ADAMTSL3: variants seen among roughly 807,000 people sequenced by gnomAD.
ADAMTSL3 encodes the protein ADAMTS-like protein 3.
A neutral mutation model predicts 201.7 loss-of-function variants in ADAMTSL3; 128 were observed. The observed-to-expected ratio is 0.63, with a 90% CI of 0.55 to 0.73. The LOEUF is 0.73. Among genes scored for constraint, ADAMTSL3 ranks in the 30% least tolerant of loss-of-function variants. The pLI, the probability that ADAMTSL3 is intolerant of heterozygous loss-of-function variation, is 0.00. For missense variants in ADAMTSL3, 1,990 were observed against 2,119.6 expected (o/e 0.94, Z 1.20); for synonymous variants, 738 against 748.4 (o/e 0.99, Z 0.23).
intron 3 of ADAMTSL3, among the ~76,000 whole-genome samples, chr15:83,718,824 G>A (rs1445853471): frequency 1.3e-5 from 2 of 152,002 alleles, no homozygotes; most frequent in African/African-American, 4.8e-5. Context: ...CACTGTTGGC[G>A]GGTGCTCAGG....
At chr15:83,768,385 C>T (rs917744728) in intron 3 of ADAMTSL3, among the ~76,000 whole-genome samples, 4 of 151,884 alleles carry the variant, frequency 2.6e-5, no homozygotes, top group African/African-American at 9.7e-5. Context: ...GGCTGAAAAA[C>T]GAAGGAATGG....
chr15:83,992,391 G>A (rs527825100), intron 23 of ADAMTSL3, among the ~76,000 whole-genome samples: 1 of 152,094 alleles, frequency 6.6e-6, no homozygotes, highest in Non-Finnish European at 1.5e-5. Context: ...TTGAAAAATT[G>A]CTCCAGGCTC....
intron 6 of ADAMTSL3, among the ~76,000 whole-genome samples, chr15:83,831,584 A>C (rs2064157931): frequency 6.6e-6 from 1 of 152,164 alleles, no homozygotes; most frequent in Non-Finnish European, 1.5e-5. Flanking sequence ...GCTGGAGTGC[A>C]GTGGTGCTAT....
chr15:83,749,394 T>A (rs1291222296), intron 3 of ADAMTSL3, among the ~76,000 whole-genome samples: 3 of 152,012 alleles, frequency 2.0e-5, no homozygotes, highest in African/African-American at 7.2e-5. Context: ...CAACGAGAGC[T>A]TTATTGATGG....
chr15:83,892,781 A>G lies in ADAMTSL3; in HGVS notation c.1360A>G (p.Ile454Val). 6.2e-7 allele frequency: 1 copy of G among 1,614,136 alleles called. No individual in the cohort carries two copies. Among genetic ancestry groups the G allele is most frequent in the Non-Finnish European group, 8.5e-7 (1 of 1,180,012 alleles). The stretch of plus-strand genomic sequence containing the variant: ...TGTAGAGGAATCCATGCATGGAGAG[A>G]TATTGCAGGTGGAAGAATGGAAGTG... ...VCVEESMHGE[I>V]LQVEEWKCMY... The change falls in exon 13 of 30, where the codon ATA becomes GTA. Residue 454 changes from isoleucine (I) to valine (V), a missense_variant. Physicochemically the swap from Ile to Val is conservative, Grantham distance 29. Transcript: ENST00000286744.
At chr15:83,840,772 A>G (rs188934638) in intron 7 of ADAMTSL3, among the ~76,000 whole-genome samples, 182 of 152,308 alleles carry the variant, frequency 1.2e-3, no homozygotes, top group African/African-American at 3.9e-3. Context: ...ACCAATGAGG[A>G]ATGTATCCTA....
At chr15:83,861,304 A>G (rs557183944) in intron 8 of ADAMTSL3, among the ~76,000 whole-genome samples, 4 of 152,214 alleles carry the variant, frequency 2.6e-5, no homozygotes, top group Non-Finnish European at 5.9e-5. Flanking sequence ...TTCTCCCAGC[A>G]CGCAGCTTGA....
chr15:83,958,590 T>C (rs1398807508), intron 19 of ADAMTSL3, among the ~76,000 whole-genome samples: 2 of 152,178 alleles, frequency 1.3e-5, no homozygotes, highest in Non-Finnish European at 2.9e-5. Flanking sequence ...CTAATTCATT[T>C]AATAAGAACA....
intron 3 of ADAMTSL3, among the ~76,000 whole-genome samples, chr15:83,724,889 T>G (rs921007999): frequency 6.6e-6 from 1 of 152,156 alleles, no homozygotes; most frequent in African/African-American, 2.4e-5. Context: ...AATCTCTTTC[T>G]TTTTTTATGG....
intron 3 of ADAMTSL3, among the ~76,000 whole-genome samples, chr15:83,755,362 A>T (rs757301473): frequency 6.6e-5 from 10 of 152,152 alleles, no homozygotes; most frequent in Non-Finnish European, 1.2e-4. Context: ...CCATCTTTAG[A>T]ACTTTATTTC....
intron 5 of ADAMTSL3, among the ~76,000 whole-genome samples, chr15:83,817,670 AATGG>A (rs1303837066): frequency 1.3e-5 from 2 of 152,256 alleles, no homozygotes; most frequent in African/African-American, 4.8e-5. Flanking sequence ...CAAAAATGCC[AATGG>A]ATAAAGGATA....
chr15:84,014,553 C>T lies in ADAMTSL3; in HGVS notation c.3985C>T (p.Pro1329Ser). The T allele has an allele frequency of 6.2e-7, 1 of 1,613,866 alleles. No individual in the cohort carries two copies. The change falls in exon 24 of 30, where the codon CCT becomes TCT. Residue 1329 changes from proline (P) to serine (S), a missense_variant. Transcript: ENST00000286744. Reference protein sequence around the residue: ...IRCPVKGVPQPNITWLKRGGS... With the variant: ...IRCPVKGVPQSNITWLKRGGS... The stretch of plus-strand genomic sequence containing the variant: ...TTTTTGTTCCAAAGGTGTCCCTCAG[C>T]CTAATATAACTTGGTTGAAGAGAGG...
intron 15 of ADAMTSL3, among the ~76,000 whole-genome samples, chr15:83,907,778 G>T (rs567744787): frequency 1.3e-5 from 2 of 152,284 alleles, no homozygotes; most frequent in East Asian, 3.9e-4. Flanking sequence ...CCATTTATCT[G>T]TAGGTGAGAA....
chr15:83,829,329 A>G (rs2064099543), intron 6 of ADAMTSL3, among the ~76,000 whole-genome samples: 2 of 152,210 alleles, frequency 1.3e-5, no homozygotes, highest in African/African-American at 4.8e-5. Flanking sequence ...TGTTTATAGT[A>G]TTCCCTGATG....
At chr15:83,854,129 C>G (rs2141755794) in intron 7 of ADAMTSL3, among the ~76,000 whole-genome samples, 1 of 152,172 alleles carries the variant, frequency 6.6e-6, no homozygotes, top group Admixed American at 6.5e-5. Flanking sequence ...ATCTAATATC[C>G]AATCTATGTT....
intron 8 of ADAMTSL3, among the ~76,000 whole-genome samples, chr15:83,867,627 A>G (rs1345296974): frequency 6.6e-6 from 1 of 152,212 alleles, no homozygotes; most frequent in Non-Finnish European, 1.5e-5. Context: ...GGAAATTGAC[A>G]TGAATGAAAT....
chr15:83,980,136 C>A (rs1263772865), intron 20 of ADAMTSL3, among the ~76,000 whole-genome samples: 1 of 152,004 alleles, frequency 6.6e-6, no homozygotes, highest in African/African-American at 2.4e-5. Flanking sequence ...CTGCACATAC[C>A]AGTATGGACA....
intron 15 of ADAMTSL3, among the ~76,000 whole-genome samples, chr15:83,901,106 C>T (rs2065715782): frequency 6.6e-6 from 1 of 152,170 alleles, no homozygotes; most frequent in African/African-American, 2.4e-5. Flanking sequence ...ACACTCATGA[C>T]AGGCACAGAC....
At chr15:83,811,071 A>G (rs1433468238) in intron 5 of ADAMTSL3, among the ~76,000 whole-genome samples, 1 of 152,092 alleles carries the variant, frequency 6.6e-6, no homozygotes, top group Non-Finnish European at 1.5e-5. Context: ...TCTTCCTGTG[A>G]CCACAGCTGG....
Sources: gnomAD v4.1 joint callset for allele counts (sites outside exome capture counted in the v4.1 genomes callset) on GRCh38, gnomAD v4.1.1 for gene constraint, MANE v1.5 for transcripts, NCBI Gene and HGNC (gene_info 2026-07-23, HGNC 2026-07-21) for gene names.